SLAMF9: variants seen among roughly 807,000 people sequenced by gnomAD.
SLAMF9 encodes SLAM family member 9.
SLAMF9 carries 25 observed loss-of-function variants against 30.4 expected under a neutral mutation model. The observed-to-expected ratio is 0.82, with a 90% CI of 0.60 to 1.15. SLAMF9 has a LOEUF of 1.15. SLAMF9 is among the 50% of genes most tolerant of loss of function. The pLI is 0.00. For synonymous variants in SLAMF9, 129 were observed against 127.2 expected (o/e 1.01, Z -0.09); for missense variants, 344 against 346.1 (o/e 0.99, Z 0.05).
intron 3 of SLAMF9, 43 bp from the exon 4 acceptor site, chr1:159,951,909 T>A: frequency 1.9e-6 from 3 of 1,581,652 alleles, no homozygotes; most frequent in Non-Finnish European, 8.7e-7. Context: ...AGTGGTAGGG[T>A]TGGGGTTAAG....
chr1:159,961,036 G>T, the SLAMF9 span, among the ~76,000 whole-genome samples: 19 of 151,970 alleles, frequency 1.3e-4, no homozygotes, highest in African/African-American at 4.4e-4. Flanking sequence ...TTTCTTCTTG[G>T]ATTATCTCCC....
chr1:159,962,537 A>C, the SLAMF9 span, among the ~76,000 whole-genome samples: 1 of 151,786 alleles, frequency 6.6e-6, no homozygotes. Context: ...ACCCCACCCC[A>C]CACACACCCA....
chr1:159,981,223 T>C, the SLAMF9 span, among the ~76,000 whole-genome samples: 1 of 152,158 alleles, frequency 6.6e-6, no homozygotes, highest in African/African-American at 2.4e-5. Context: ...AGGACACAGA[T>C]GCACATAGAG....
At chr1:159,976,392 A>G in the SLAMF9 span, among the ~76,000 whole-genome samples, 2 of 152,158 alleles carry the variant, frequency 1.3e-5, no homozygotes, top group Non-Finnish European at 2.9e-5. Flanking sequence ...GTGCACCTCC[A>G]TTTGTATATA....
chr1:159,972,929 C>T, the SLAMF9 span: 38 of 1,028,284 alleles, frequency 3.7e-5, no homozygotes, highest in Non-Finnish European at 5.1e-5. Flanking sequence ...CAACTCCTCT[C>T]CTCCCAGGGG....
At chr1:159,971,308 C>G in the SLAMF9 span, among the ~76,000 whole-genome samples, 1 of 152,180 alleles carries the variant, frequency 6.6e-6, no homozygotes, top group Non-Finnish European at 1.5e-5. Context: ...AAGGCCAGAC[C>G]TCTCTTTGGG....
the SLAMF9 span, among the ~76,000 whole-genome samples, chr1:159,981,335 A>AG: frequency 1.3e-5 from 2 of 152,198 alleles, no homozygotes; most frequent in Non-Finnish European, 2.9e-5. Context: ...TTAGACTTCC[A>AG]GCCTCCAGAT....
Position 159,954,075 on chromosome 1 carries a change from C to T in SLAMF9, c.46+17G>A. On this transcript the variant is annotated intron_variant, in intron 1 of 3. Transcript: ENST00000368093. ...TGTAGGGGACATTCCTGTGCACGAGCTGGCAGCTTCACTCACCCTCCTGGA... is the reference window on the plus strand; with the variant it reads ...TGTAGGGGACATTCCTGTGCACGAGTTGGCAGCTTCACTCACCCTCCTGGA... 1 of 1,613,886 alleles carries T rather than the reference C, an allele frequency of 6.2e-7. No homozygotes were observed. The highest frequency in any genetic ancestry group is 8.5e-7 in the Non-Finnish European group (1 of 1,179,948).
the SLAMF9 span, chr1:159,973,858 C>T: frequency 1.2e-6 from 2 of 1,613,582 alleles, no homozygotes; most frequent in East Asian, 2.2e-5. Flanking sequence ...ATATACATCA[C>T]CTGCCCAGTG....
At position 159,954,072 on chromosome 1, in the gene SLAMF9, G is replaced by T; in HGVS notation, c.46+20C>A. 1 of 1,613,820 alleles carries T rather than the reference G, an allele frequency of 6.2e-7. No homozygotes were observed. The highest frequency in any genetic ancestry group is 1.1e-5 in the South Asian group (1 of 91,052). On this transcript the variant is annotated intron_variant, in intron 1 of 3. Coordinates refer to ENST00000368093, the MANE Select transcript of SLAMF9 (RefSeq NM_033438.4). ...AGGTGTAGGGGACATTCCTGTGCAC[G>T]AGCTGGCAGCTTCACTCACCCTCCT...
the SLAMF9 span, among the ~76,000 whole-genome samples, chr1:159,980,037 CG>C: frequency 6.6e-6 from 1 of 152,098 alleles, no homozygotes; most frequent in Non-Finnish European, 1.5e-5. Flanking sequence ...AAATTAGGGT[CG>C]GGGAGAAGAT....
chr1:159,952,357 C>T lies in SLAMF9; in HGVS notation c.569G>A (p.Arg190Lys), dbSNP rs1651778943. ...HEGPVLSTSW[R>K]PGDSALSYTC... Reference sequence around the variant, plus strand: ...GTAGGAGAGGGCACTGTCCCCCGGCCTCCAGGATGTGCTGAGGACAGGGCC... The same window carrying T: ...GTAGGAGAGGGCACTGTCCCCCGGCTTCCAGGATGTGCTGAGGACAGGGCC... The change falls in exon 3 of 4, where the codon AGG becomes AAG. Residue 190 changes from arginine (R) to lysine (K), a missense_variant. Transcript: ENST00000368093. 1 of 1,614,128 alleles carries T rather than the reference C, an allele frequency of 6.2e-7. No homozygotes were observed. Among genetic ancestry groups the T allele is most frequent in the East Asian group, 2.2e-5 (1 of 44,872 alleles).
rs146654789 is a variant in SLAMF9, at chr1:159,953,411, T to A, written c.289A>T (p.Ile97Phe). 5.0e-4 allele frequency: 800 copies of A among 1,614,230 alleles called. 4 individuals carry two copies. The African/African-American group carries it at 8.4e-3, about 17-fold the overall frequency. ...GAATCCTCCCAGCTCAGATTGCTGA[T>A]ATGCAGGGAATAGCTGGGGTCCAGG... ...SFLDPSYSLH[I>F]SNLSWEDSGL... Residue 97 changes from isoleucine to phenylalanine, a missense_variant, in exon 2 of 4, where the codon ATC becomes TTC. Coordinates refer to ENST00000368093, the MANE Select transcript of SLAMF9 (RefSeq NM_033438.4).
intron 2 of SLAMF9, among the ~76,000 whole-genome samples, chr1:159,952,789 C>T (rs1480460251): frequency 1.3e-5 from 2 of 152,216 alleles, no homozygotes; most frequent in Non-Finnish European, 2.9e-5. Flanking sequence ...TACTTTTGTA[C>T]TCTACCTTCC....
chr1:159,981,818 G>A, the SLAMF9 span, among the ~76,000 whole-genome samples: 2 of 152,376 alleles, frequency 1.3e-5, no homozygotes, highest in South Asian at 2.1e-4. Flanking sequence ...TGCCTGATGT[G>A]AGGCCTCGCT....
the SLAMF9 span, chr1:159,983,937 C>T: frequency 3.9e-5 from 6 of 152,346 alleles, no homozygotes; most frequent in Admixed American, 3.3e-4. Context: ...ACAAAAGACA[C>T]CTGGAGAAGA....
Position 159,952,474 on chromosome 1 carries a change from C to T in SLAMF9, c.452G>A (p.Ser151Asn), listed in dbSNP as rs1387830573. 6.2e-7 allele frequency: 1 copy of T among 1,614,132 alleles called. No homozygotes were observed. Among genetic ancestry groups the T allele is most frequent in the African/African-American group, 1.3e-5 (1 of 75,034 alleles). The part of the protein sequence containing the change: ...NFESSGEGAC[S>N]MSLVCSVEKA... ...CTCCACAGAGCACACCAGGGACATA[C>T]TGCAGGCACCTTCCCCAGAACTCTC... Residue 151 changes from serine to asparagine, a missense_variant, in exon 3 of 4, where the codon AGT (serine) becomes AAT (asparagine). Ser to Asn is a conservative substitution (Grantham distance 46, BLOSUM62 1). Transcript: ENST00000368093.
At chr1:159,983,699 A>G in the SLAMF9 span, 4 of 152,258 alleles carry the variant, frequency 2.6e-5, no homozygotes, top group Non-Finnish European at 5.9e-5. Flanking sequence ...CCTCGTGGCA[A>G]GGCAGGGATG....
Position 159,953,638 on chromosome 1 carries a change from A to G in SLAMF9, c.62T>C (p.Leu21Pro). The change falls in exon 2 of 4, where the codon CTC becomes CCC. Residue 21 changes from leucine to proline, a missense_variant. Coordinates refer to ENST00000368093, the MANE Select transcript of SLAMF9 (RefSeq NM_033438.4). The stretch of plus-strand genomic sequence containing the variant: ...TTCCTCGGATCCACACCATCTCCAG[A>G]GTCTCCTTTGGCTGCCTATGCAGGA... ...LLLQEGSQRR[L>P]WRWCGSEEVV... 2 of 1,604,150 alleles carry G rather than the reference A, an allele frequency of 1.2e-6. No individual in the cohort carries two copies. Among genetic ancestry groups the G allele is most frequent in the Non-Finnish European group, 1.7e-6 (2 of 1,172,710 alleles).
Sources: allele counts gnomAD v4.1 joint callset (sites outside exome capture counted in the v4.1 genomes callset), GRCh38; gene constraint gnomAD v4.1.1; transcripts MANE v1.5; gene names NCBI Gene and HGNC (gene_info 2026-07-23, HGNC 2026-07-21).